CACNB4: variants seen among roughly 807,000 people sequenced by gnomAD.
CACNB4 encodes voltage-dependent L-type calcium channel subunit beta-4.
A neutral mutation model predicts 71.2 loss-of-function variants in CACNB4; 32 were observed. The observed-to-expected ratio is 0.45, with a 90% CI of 0.34 to 0.60. The LOEUF is 0.60. CACNB4 is among the 20% of genes least tolerant of loss of function. CACNB4 has a pLI of 0.01. For missense variants in CACNB4, 464 were observed against 647.9 expected, an observed-to-expected ratio of 0.72 and a Z score of 3.08; for synonymous variants, 231 against 236.9, an observed-to-expected ratio of 0.97 and a Z score of 0.23.
Position 151,936,130 on chromosome 2 carries a change from T to C in CACNB4, c.148-52760A>G, listed in dbSNP as rs142704987. 3.5e-3 allele frequency: 536 copies of C among 152,358 alleles called. 5 individuals are homozygous for C. Among genetic ancestry groups the C allele is most frequent in the African/African-American group, 0.012 (513 of 41,594 alleles). 9.4% of individuals were successfully genotyped at this position (152,358 alleles called of 1,614,324 possible). On this transcript the variant is annotated intron_variant, in intron 2 of 13. Transcript: ENST00000539935. ...AACAAATTTCAGTTGTAAAGTGCAA[T>C]TCATGGATTTTTCTGTGCTGTTTGA... is the stretch of plus-strand genomic sequence containing the variant.
At chr2:152,023,871 A>T (rs1394494302) in intron 2 of CACNB4, among the ~76,000 whole-genome samples, 1 of 152,268 alleles carries the variant, frequency 6.6e-6, no homozygotes, top group African/African-American at 2.4e-5. Context: ...AGTCAAAACA[A>T]GAAACTCTAA....
chr2:152,000,681 A>T (rs1682341909), intron 2 of CACNB4, among the ~76,000 whole-genome samples: 1 of 152,194 alleles, frequency 6.6e-6, no homozygotes, highest in African/African-American at 2.4e-5. Flanking sequence ...GAAACCTGAA[A>T]GGAATCCTTA....
At chr2:151,965,263 G>A (rs961171010) in intron 2 of CACNB4, among the ~76,000 whole-genome samples, 2 of 152,138 alleles carry the variant, frequency 1.3e-5, no homozygotes, top group Admixed American at 6.5e-5. Context: ...TACTTCATGC[G>A]AACATTATTT....
chr2:151,915,963 G>C (rs377012090), intron 2 of CACNB4, among the ~76,000 whole-genome samples: 15 of 152,104 alleles, frequency 9.9e-5, no homozygotes, highest in Non-Finnish European at 2.1e-4. Flanking sequence ...GGGATAGTGC[G>C]CTCACTCACC....
intron 2 of CACNB4, among the ~76,000 whole-genome samples, chr2:152,075,997 T>G (rs777428587): frequency 6.6e-6 from 1 of 152,166 alleles, no homozygotes; most frequent in Non-Finnish European, 1.5e-5. Flanking sequence ...ATCCCTGAAA[T>G]CCTGTCACCT....
intron 2 of CACNB4, among the ~76,000 whole-genome samples, chr2:151,945,586 G>A (rs908597259): frequency 6.6e-6 from 1 of 152,172 alleles, no homozygotes; most frequent in Non-Finnish European, 1.5e-5. Flanking sequence ...TGGAAGTAGA[G>A]GCTCCAGTGA....
At chr2:151,883,505 T>C in intron 2 of CACNB4, 135 bp from the exon 3 acceptor site, 1 of 774,124 alleles carries the variant, frequency 1.3e-6, no homozygotes, top group South Asian at 1.5e-5. Context: ...ATTGCAGATA[T>C]AAATTTAGAT....
chr2:151,868,423 T>C (rs2099843733), intron 9 of CACNB4: 1 of 152,192 alleles, frequency 6.6e-6, no homozygotes, highest in Admixed American at 6.5e-5. Context: ...TGGACTGCAT[T>C]CAGCACTGTG....
rs2099834965 is a variant in CACNB4 at position 151,836,651 on chromosome 2, T to TTGGTTTTGTGCA, written c.*2456_*2467dup. On this transcript the variant is annotated 3_prime_UTR_variant, in exon 14 of 14. Coordinates refer to ENST00000539935, the MANE Select transcript of CACNB4 (RefSeq NM_000726.5). ...TGGACATCTGATGGTAATTGATAGATTGGTTTTGTGCACAGATATTGAATG... is the reference window on the plus strand; with the variant it reads ...TGGACATCTGATGGTAATTGATAGATTGGTTTTGTGCATGGTTTTGTGCACAGATATTGAATG... 6.6e-6 allele frequency: 1 copy of TTGGTTTTGTGCA among 151,894 alleles called. No homozygotes were observed. The highest frequency in any genetic ancestry group is 6.6e-5 in the Admixed American group (1 of 15,258). The allele number at this position is 151,894 out of a possible 1,614,324, so 9.4% of individuals were successfully genotyped here. A position where few individuals can be genotyped will look rare whatever the true frequency, so the allele number is the denominator to read the frequency against.
intron 2 of CACNB4, among the ~76,000 whole-genome samples, chr2:152,062,757 G>A (rs920389036): frequency 2.0e-5 from 3 of 152,190 alleles, no homozygotes; most frequent in East Asian, 1.9e-4. Flanking sequence ...CAGAGGACAC[G>A]GGAGGAGAGG....
intron 2 of CACNB4, among the ~76,000 whole-genome samples, chr2:152,057,964 A>T (rs1685809932): frequency 6.6e-6 from 1 of 152,172 alleles, no homozygotes; most frequent in Admixed American, 6.5e-5. Context: ...AGCTGGTAGG[A>T]GGTGATTAGA....
chr2:152,025,741 A>G (rs1460810259), intron 2 of CACNB4, among the ~76,000 whole-genome samples: 2 of 152,240 alleles, frequency 1.3e-5, no homozygotes, highest in African/African-American at 2.4e-5. Context: ...CGTACTGTGT[A>G]TTTTAAAGGA....
At chr2:152,058,147 C>A (rs1685818740) in intron 2 of CACNB4, among the ~76,000 whole-genome samples, 2 of 152,196 alleles carry the variant, frequency 1.3e-5, no homozygotes, top group African/African-American at 4.8e-5. Context: ...GTAAAGTTTC[C>A]TGAGGCCTCC....
intron 2 of CACNB4, among the ~76,000 whole-genome samples, chr2:151,959,266 T>C (rs897474628): frequency 2.6e-5 from 4 of 152,222 alleles, no homozygotes; most frequent in Non-Finnish European, 4.4e-5. Flanking sequence ...TTCCATTAAA[T>C]ACATGGAGGT....
At chr2:151,980,762 C>G (rs1223391651) in intron 2 of CACNB4, among the ~76,000 whole-genome samples, 3 of 152,208 alleles carry the variant, frequency 2.0e-5, no homozygotes, top group African/African-American at 7.2e-5. Flanking sequence ...ATCTTCATGT[C>G]CTGATTGGGA....
At chr2:152,071,854 A>G (rs1269441984) in intron 2 of CACNB4, among the ~76,000 whole-genome samples, 1 of 152,250 alleles carries the variant, frequency 6.6e-6, no homozygotes, top group Non-Finnish European at 1.5e-5. Flanking sequence ...CAAATATACC[A>G]GAGCCAGGCC....
chr2:152,022,342 T>C (rs1360390770), intron 2 of CACNB4, among the ~76,000 whole-genome samples: 1 of 152,212 alleles, frequency 6.6e-6, no homozygotes, highest in Non-Finnish European at 1.5e-5. Context: ...GGAGGGAATG[T>C]GAAACCAATA....
At chr2:151,933,818 A>G (rs2099862255) in intron 2 of CACNB4, among the ~76,000 whole-genome samples, 1 of 152,274 alleles carries the variant, frequency 6.6e-6, no homozygotes, top group East Asian at 1.9e-4. Flanking sequence ...AATTTTTTAA[A>G]TGATGGATAA....
At chr2:152,034,254 G>T (rs984378405) in intron 2 of CACNB4, among the ~76,000 whole-genome samples, 2 of 152,166 alleles carry the variant, frequency 1.3e-5, no homozygotes, top group African/African-American at 2.4e-5. Flanking sequence ...GTCACGTCTT[G>T]CAAAGTAGGT....
Sources: gnomAD v4.1 joint callset for allele counts (sites outside exome capture counted in the v4.1 genomes callset) on GRCh38, gnomAD v4.1.1 for gene constraint, MANE v1.5 for transcripts, NCBI Gene and HGNC (gene_info 2026-07-23, HGNC 2026-07-21) for gene names.